SPARCL1: variants seen among roughly 807,000 people sequenced by gnomAD.
The protein encoded by SPARCL1 is SPARC like 1.
In SPARCL1, 52 loss-of-function variants were observed where a neutral mutation model predicts 67.1. The observed-to-expected ratio is 0.78, with a 90% CI of 0.62 to 0.98. The LOEUF is 0.98. SPARCL1 is among the 50% of genes least tolerant of loss of function. SPARCL1 has a pLI of 0.00. For synonymous variants in SPARCL1, 226 were observed against 267.8 expected, an observed-to-expected ratio of 0.84 and a Z score of 1.52; for missense variants, 717 against 782.4, an observed-to-expected ratio of 0.92 and a Z score of 1.00.
chr4:87,509,870 G>T (rs536549200), intron 1 of SPARCL1, among the ~76,000 whole-genome samples: 14 of 152,208 alleles, frequency 9.2e-5, no homozygotes, highest in Admixed American at 2.0e-4. Flanking sequence ...TGACAGCTGT[G>T]TGGAGGACAG....
intron 1 of SPARCL1, among the ~76,000 whole-genome samples, chr4:87,501,246 T>C (rs1358960935): frequency 1.3e-5 from 2 of 152,166 alleles, no homozygotes; most frequent in Non-Finnish European, 2.9e-5. Context: ...GCTTTTCTCC[T>C]GGGGTCCATA....
At chr4:87,482,835 A>G (rs1330964110) in intron 7 of SPARCL1, among the ~76,000 whole-genome samples, 1 of 152,180 alleles carries the variant, frequency 6.6e-6, no homozygotes, top group Non-Finnish European at 1.5e-5. Flanking sequence ...TCCAAGATCT[A>G]TTTGGATGTG....
intron 10 of SPARCL1, 83 bp from the exon 11 acceptor site, chr4:87,473,886 G>A (rs1330959884): frequency 1.1e-6 from 1 of 927,258 alleles, no homozygotes; most frequent in East Asian, 2.4e-5. Flanking sequence ...TGGGGGATTA[G>A]AGAAACCATC....
At chr4:87,511,859 A>G (rs1725371404) in intron 1 of SPARCL1, among the ~76,000 whole-genome samples, 1 of 152,118 alleles carries the variant, frequency 6.6e-6, no homozygotes, top group Non-Finnish European at 1.5e-5. Flanking sequence ...GGCTGTGCAA[A>G]GGAGAGTAAC....
intron 1 of SPARCL1, among the ~76,000 whole-genome samples, chr4:87,512,809 T>C (rs1425497593): frequency 6.6e-6 from 1 of 152,222 alleles, no homozygotes; most frequent in Admixed American, 6.5e-5. Context: ...AACAGACCAG[T>C]TGCCAAAACC....
chr4:87,479,372 G>C, intron 10 of SPARCL1, 58 bp downstream of exon 10: 1 of 1,567,128 alleles, frequency 6.4e-7, no homozygotes, highest in Non-Finnish European at 8.7e-7. Flanking sequence ...AGCATGCAGG[G>C]CTTAGGGCTT....
intron 1 of SPARCL1, among the ~76,000 whole-genome samples, chr4:87,520,826 T>C (rs1480350656): frequency 6.6e-6 from 1 of 152,240 alleles, no homozygotes; most frequent in Non-Finnish European, 1.5e-5. Context: ...CTGAAAGGTA[T>C]GGGCAGAATG....
intron 1 of SPARCL1, chr4:87,504,776 T>C (rs1725007286): frequency 6.6e-6 from 1 of 152,266 alleles, no homozygotes; most frequent in Non-Finnish European, 1.5e-5. Flanking sequence ...GTTTGAGTTT[T>C]TAAACAAAAA....
chr4:87,519,561 C>T (rs1188432800), intron 1 of SPARCL1, among the ~76,000 whole-genome samples: 1 of 152,162 alleles, frequency 6.6e-6, no homozygotes, highest in African/African-American at 2.4e-5. Context: ...CCATTTACCA[C>T]TCCCCACTCC....
chr4:87,493,524 T>G, intron 4 of SPARCL1, 58 bp downstream of exon 4: 1 of 1,482,520 alleles, frequency 6.7e-7, no homozygotes, highest in Non-Finnish European at 9.2e-7. Context: ...AGAAAGGTCA[T>G]GACTGTTTAT....
At chr4:87,474,741 CTCTT>C (rs1723495661) in intron 10 of SPARCL1, among the ~76,000 whole-genome samples, 1 of 64,160 alleles carries the variant, frequency 1.6e-5, no homozygotes, top group Non-Finnish European at 3.5e-5. Flanking sequence ...TTCTCTCTCT[CTCTT>C]TTTTTTTTTT....
At chr4:87,512,859 T>A (rs1725426298) in intron 1 of SPARCL1, among the ~76,000 whole-genome samples, 1 of 152,198 alleles carries the variant, frequency 6.6e-6, no homozygotes, top group Admixed American at 6.5e-5. Flanking sequence ...AAGGCATAAG[T>A]TCTGAAACAG....
intron 1 of SPARCL1, among the ~76,000 whole-genome samples, chr4:87,518,608 C>T (rs1438332168): frequency 6.6e-6 from 1 of 152,146 alleles, no homozygotes; most frequent in Admixed American, 6.5e-5. Context: ...ATACGAGTAC[C>T]AAGGTTTCAA....
chr4:87,494,103 G>C lies in SPARCL1; in HGVS notation c.697C>G (p.Gln233Glu). 1 of 1,613,736 alleles carries C rather than the reference G, an allele frequency of 6.2e-7. No homozygotes were observed. Among genetic ancestry groups the C allele is most frequent in the Non-Finnish European group, 8.5e-7 (1 of 1,180,000 alleles). The change falls in exon 4 of 11, where the codon CAG becomes GAG. Residue 233 changes from glutamine to glutamate, a missense_variant. Physicochemically the swap from Gln to Glu is conservative, Grantham distance 29. Coordinates refer to ENST00000282470, the MANE Select transcript of SPARCL1 (RefSeq NM_004684.6). ...TCAGATTGGGTATTGTCTTCCTCCT[G>C]CTTGCTGTTAGCATGCTCCCTGGGC... is the stretch of plus-strand genomic sequence containing the variant. ...ELPREHANSK[Q>E]EEDNTQSDDI...
At chr4:87,499,141 G>A (rs984733736) in intron 2 of SPARCL1, among the ~76,000 whole-genome samples, 4 of 152,290 alleles carry the variant, frequency 2.6e-5, no homozygotes, top group African/African-American at 9.6e-5. Context: ...CTCCCGAAGT[G>A]CTGGGATTAC....
At chr4:87,499,471 C>G in intron 2 of SPARCL1, 50 bp downstream of exon 2, 3 of 1,383,760 alleles carry the variant, frequency 2.2e-6, no homozygotes, top group Non-Finnish European at 3.1e-6. Flanking sequence ...AGGATTTCTG[C>G]ATTAAATGTC....
chr4:87,522,989 A>T (rs563290594), intron 1 of SPARCL1, among the ~76,000 whole-genome samples: 1 of 152,208 alleles, frequency 6.6e-6, no homozygotes, highest in Non-Finnish European at 1.5e-5. Context: ...AGCTGGGCAC[A>T]GTGGCTCATG....
chr4:87,518,622 A>G (rs1333815411), intron 1 of SPARCL1, among the ~76,000 whole-genome samples: 2 of 152,230 alleles, frequency 1.3e-5, no homozygotes, highest in Non-Finnish European at 2.9e-5. Flanking sequence ...GTTTCAACCA[A>G]GCATTTTTCT....
chr4:87,525,474 C>G (rs769256781), intron 1 of SPARCL1, among the ~76,000 whole-genome samples: 4 of 152,134 alleles, frequency 2.6e-5, no homozygotes, highest in African/African-American at 4.8e-5. Flanking sequence ...CATAGCACAT[C>G]GTGAAGATGG....
Sources: gnomAD v4.1 joint callset for allele counts (sites outside exome capture counted in the v4.1 genomes callset) on GRCh38, gnomAD v4.1.1 for gene constraint, MANE v1.5 for transcripts, NCBI Gene and HGNC (gene_info 2026-07-23, HGNC 2026-07-21) for gene names.